Variants in WWC1 observed in about 807,000 individuals in gnomAD.
WWC1 encodes protein KIBRA.
Under a neutral mutation model 138.4 loss-of-function variants are expected in WWC1, and 55 were observed. The ratio of observed to expected loss-of-function variants is 0.40; its 90% CI spans 0.32 to 0.50. The LOEUF (loss-of-function observed/expected upper bound fraction) is 0.50. WWC1 is among the 20% of genes least tolerant of loss of function. The pLI, the probability that WWC1 is intolerant of heterozygous loss-of-function variation, is 0.72. For missense variants in WWC1, 1,226 were observed against 1,420.4 expected (o/e 0.86, Z 2.20); for synonymous variants, 524 against 564.9 (o/e 0.93, Z 1.03).
chr5:168,405,546 G>A (rs1385732783), intron 5 of WWC1, among the ~76,000 whole-genome samples: 1 of 152,182 alleles, frequency 6.6e-6, no homozygotes, highest in Non-Finnish European at 1.5e-5. Flanking sequence ...ACAGCTATGT[G>A]TGATGTATAT....
chr5:168,427,882 C>T, intron 11 of WWC1, 151 bp from the exon 12 acceptor site: 1 of 562,120 alleles, frequency 1.8e-6, no homozygotes, highest in South Asian at 1.9e-5. Context: ...ATCACCAGAA[C>T]CCGAAGTGGT....
intron 1 of WWC1, among the ~76,000 whole-genome samples, chr5:168,353,489 C>G (rs563853431): frequency 6.6e-6 from 1 of 152,242 alleles, no homozygotes; most frequent in Non-Finnish European, 1.5e-5. Flanking sequence ...TCTTGCCAAC[C>G]CTCCACCTCT....
intron 20 of WWC1, among the ~76,000 whole-genome samples, chr5:168,461,556 C>G (rs566303953): frequency 6.6e-6 from 1 of 152,286 alleles, no homozygotes; most frequent in Admixed American, 6.5e-5. Flanking sequence ...ACTTGCCTTG[C>G]GGAAGTCTCG....
intron 2 of WWC1, among the ~76,000 whole-genome samples, chr5:168,384,167 A>AC (rs1241894747): frequency 2.1e-5 from 2 of 94,170 alleles, no homozygotes; most frequent in African/African-American, 1.0e-4. Flanking sequence ...TTGAACACTT[A>AC]TTTCTGTGTG....
At chr5:168,419,803 C>T (rs1168204493) in intron 9 of WWC1, among the ~76,000 whole-genome samples, 1 of 152,192 alleles carries the variant, frequency 6.6e-6, no homozygotes, top group Non-Finnish European at 1.5e-5. Context: ...GGCAAAGACA[C>T]ACCCTGGAGT....
chr5:168,374,027 C>T (rs1264733275), intron 2 of WWC1, among the ~76,000 whole-genome samples: 1 of 126,116 alleles, frequency 7.9e-6, no homozygotes. Flanking sequence ...GCCTGGGCAA[C>T]AGAGCGAGAT....
intron 1 of WWC1, among the ~76,000 whole-genome samples, chr5:168,320,672 C>T (rs2152758039): frequency 6.6e-6 from 1 of 152,256 alleles, no homozygotes; most frequent in Admixed American, 6.5e-5. Context: ...CTGCCTTCAT[C>T]CTCCCGGGAT....
chr5:168,401,512 C>G (rs1400684900), intron 5 of WWC1, among the ~76,000 whole-genome samples: 1 of 152,194 alleles, frequency 6.6e-6, no homozygotes, highest in Admixed American at 6.5e-5. Context: ...GTTGAGGGAA[C>G]TGTGGTCATC....
chr5:168,458,377 G>A (rs145669228), intron 19 of WWC1, among the ~76,000 whole-genome samples: 96 of 152,264 alleles, frequency 6.3e-4, no homozygotes, highest in Middle Eastern at 3.4e-3. Context: ...GCCTTCCTCT[G>A]GCCTCCTCGG....
intron 1 of WWC1, among the ~76,000 whole-genome samples, chr5:168,313,791 A>C (rs1397318615): frequency 1.3e-5 from 2 of 152,186 alleles, no homozygotes; most frequent in Non-Finnish European, 2.9e-5. Flanking sequence ...AGGGCACACT[A>C]CATACTTGTG....
Position 168,472,239 on chromosome 5 carries a change from AC to A in WWC1, c.*3224del, listed in dbSNP as rs1217314035. 2.0e-5 allele frequency: 3 copies of A among 152,214 alleles called. No individual in the cohort carries two copies. Among genetic ancestry groups the A allele is most frequent in the Non-Finnish European group, 4.4e-5 (3 of 68,040 alleles). 9.4% of individuals were successfully genotyped at this position (152,214 alleles called of 1,614,324 possible). ...TTCTCTATAAACGGTTCACCAGCAA[AC>A]CACCAATACATTCCATTGTTTGCCT... On this transcript the variant is annotated 3_prime_UTR_variant, in exon 23 of 23. Coordinates refer to ENST00000265293, the MANE Select transcript of WWC1 (RefSeq NM_015238.3).
intron 8 of WWC1, chr5:168,410,205 G>A: frequency 1.8e-6 from 1 of 544,172 alleles, no homozygotes; most frequent in Non-Finnish European, 3.2e-6. Context: ...GACAGAGAGT[G>A]AAACTATGCT....
At chr5:168,400,405 T>C (rs1779223217) in intron 5 of WWC1, among the ~76,000 whole-genome samples, 1 of 152,188 alleles carries the variant, frequency 6.6e-6, no homozygotes, top group South Asian at 2.1e-4. Context: ...ATCATTTAGC[T>C]CCCACTTATA....
In WWC1 at chr5:168,307,668, G is replaced by A. The variant is rs534578058; in HGVS notation, c.119+15397G>A. Among the ~76,000 whole-genome samples the A allele has an allele frequency of 1.4e-4, 21 of 147,924 alleles. No individual in the cohort carries two copies. In the South Asian group the frequency reaches 1.5e-3, roughly 11 times the overall value. On this transcript the variant is annotated intron_variant, in intron 1 of 22. Transcript: ENST00000265293. ...TGTTCAGGCTGGAGTGCAGTGGTGCGATCTTGGCTCACTGCAACCTCCGCC... is the reference window on the plus strand; with the variant it reads ...TGTTCAGGCTGGAGTGCAGTGGTGCAATCTTGGCTCACTGCAACCTCCGCC...
intron 21 of WWC1, among the ~76,000 whole-genome samples, chr5:168,466,462 A>T (rs1757302830): frequency 6.6e-6 from 1 of 152,222 alleles, no homozygotes; most frequent in South Asian, 2.1e-4. Flanking sequence ...GAGGGTGCCT[A>T]CCTGAACTCT....
intron 1 of WWC1, among the ~76,000 whole-genome samples, chr5:168,339,908 TCTCTC>T (rs1773865616): frequency 1.5e-4 from 3 of 20,066 alleles, no homozygotes; most frequent in African/African-American, 3.5e-4. Context: ...TCTCTCTCTT[TCTCTC>T]TCTCTCTCTC....
chr5:168,328,828 C>G (rs967363739), intron 1 of WWC1, among the ~76,000 whole-genome samples: 4 of 152,100 alleles, frequency 2.6e-5, no homozygotes, highest in African/African-American at 9.7e-5. Flanking sequence ...AGCCACCGCG[C>G]CTGGCCTGTG....
At chr5:168,337,803 G>A (rs1044640658) in intron 1 of WWC1, among the ~76,000 whole-genome samples, 3 of 152,222 alleles carry the variant, frequency 2.0e-5, no homozygotes, top group Non-Finnish European at 4.4e-5. Flanking sequence ...TCACTAGGAT[G>A]ACTCAGTCAC....
chr5:168,400,158 G>A (rs923183262), intron 5 of WWC1, among the ~76,000 whole-genome samples: 7 of 148,050 alleles, frequency 4.7e-5, no homozygotes, highest in South Asian at 2.2e-4. Flanking sequence ...ATACAGCTCC[G>A]TTGTGTCTTC....
Sources: gnomAD v4.1 joint callset for allele counts (sites outside exome capture counted in the v4.1 genomes callset) on GRCh38, gnomAD v4.1.1 for gene constraint, MANE v1.5 for transcripts, NCBI Gene and HGNC (gene_info 2026-07-23, HGNC 2026-07-21) for gene names.